The following ATP13A5 variants were observed in gnomAD, a reference collection of about 807,000 sequenced individuals.
ATP13A5 encodes probable cation-transporting ATPase 13A5.
A neutral mutation model predicts 150.2 loss-of-function variants in ATP13A5; 149 were observed. The observed-to-expected ratio is 0.99, with a 90% confidence interval of 0.87 to 1.14. The LOEUF (loss-of-function observed/expected upper bound fraction) is 1.14, where lower values mean the gene tolerates loss of function less well. ATP13A5 is among the 50% of genes most tolerant of loss of function. The pLI, the probability that ATP13A5 is intolerant of heterozygous loss-of-function variation, is 0.00. For synonymous variants in ATP13A5, 497 were observed against 522.2 expected, an observed-to-expected ratio of 0.95 and a Z score of 0.66; for missense variants, 1,383 against 1,449.3, an observed-to-expected ratio of 0.95 and a Z score of 0.74.
At chr3:193,368,013 G>T (rs1341221504) in intron 1 of ATP13A5, among the ~76,000 whole-genome samples, 2 of 142,356 alleles carry the variant, frequency 1.4e-5, no homozygotes, top group Admixed American at 7.0e-5. Flanking sequence ...GAGGGGAGGG[G>T]AAGGGAGGGG....
At chr3:193,323,089 A>G (rs1002099317) in intron 14 of ATP13A5, 6 of 153,118 alleles carry the variant, frequency 3.9e-5, no homozygotes, top group Non-Finnish European at 7.3e-5. Context: ...TTACAACAGA[A>G]GTTAATACCT....
At chr3:193,279,163 C>A (rs1695423738) in intron 28 of ATP13A5, among the ~76,000 whole-genome samples, 1 of 151,892 alleles carries the variant, frequency 6.6e-6, no homozygotes, top group South Asian at 2.1e-4. Context: ...GATAAATGTA[C>A]CCAATAATAT....
intron 3 of ATP13A5, 113 bp from the exon 4 acceptor site, chr3:193,362,750 C>CT (rs1553822627): frequency 6.3e-6 from 4 of 633,112 alleles, no homozygotes; most frequent in African/African-American, 5.1e-5. Flanking sequence ...ACTTGCTTTC[C>CT]TTCTTTCTTT....
At chr3:193,294,948 C>T (rs373811967) in intron 25 of ATP13A5, among the ~76,000 whole-genome samples, 4 of 152,232 alleles carry the variant, frequency 2.6e-5, no homozygotes, top group South Asian at 2.1e-4. Flanking sequence ...AGAGCTGCAG[C>T]GTGCTGCCAC....
rs114747548 is a variant in ATP13A5 at position 193,348,318 on chromosome 3, T to A, written c.741+2749A>T. On this transcript the variant is annotated intron_variant, in intron 7 of 29. Transcript: ENST00000342358. ...CAGCATCTGTTGCTACGTGCCCTTG[T>A]GTTTGTCGTGGCTGGATTTCCTCTA... 4.3e-3 allele frequency among the ~76,000 whole-genome samples: 652 copies of A among 152,308 alleles called. 2 individuals are homozygous for A. Among genetic ancestry groups the A allele is most frequent in the Non-Finnish European group, 5.4e-3 (369 of 68,028 alleles).
intron 24 of ATP13A5, 48 bp downstream of exon 24, chr3:193,301,163 G>T: frequency 7.4e-7 from 1 of 1,351,808 alleles, no homozygotes; most frequent in Non-Finnish European, 1.1e-6. Context: ...TAATAAATTA[G>T]GGACATAAAT....
At position 193,294,892 on chromosome 3, in the gene ATP13A5, A is replaced by G. The variant is rs564710728; in HGVS notation, c.2848+4239T>C. Reference sequence around the variant, plus strand: ...ACAAAATCATCTAGCAACACAGTACAATGTAAAGTGTCTGTTGTTTAACCT... The same window carrying G: ...ACAAAATCATCTAGCAACACAGTACGATGTAAAGTGTCTGTTGTTTAACCT... On this transcript the variant is annotated intron_variant, in intron 25 of 29. Coordinates refer to ENST00000342358, the MANE Select transcript of ATP13A5 (RefSeq NM_198505.4). 2.0e-5 allele frequency among the ~76,000 whole-genome samples: 3 copies of G among 152,248 alleles called. No individual in the cohort carries two copies. In the South Asian group the frequency reaches 6.2e-4, roughly 32 times the overall value.
At chr3:193,304,077 G>A (rs1235098065) in intron 23 of ATP13A5, among the ~76,000 whole-genome samples, 1 of 152,084 alleles carries the variant, frequency 6.6e-6, no homozygotes, top group Non-Finnish European at 1.5e-5. Context: ...TAGTCACCAT[G>A]ACACAAACCA....
At chr3:193,282,720 A>G (rs1379179315) in intron 27 of ATP13A5, among the ~76,000 whole-genome samples, 1 of 152,216 alleles carries the variant, frequency 6.6e-6, no homozygotes, top group Non-Finnish European at 1.5e-5. Context: ...TTTGTAATGG[A>G]GAAAACAACG....
Position 193,314,139 on chromosome 3 carries a change from G to C in ATP13A5, c.2213C>G (p.Pro738Arg), listed in dbSNP as rs1168834962. Residue 738 changes from proline to arginine, a missense_variant, in exon 19 of 30, where the codon CCA becomes CGA. By Grantham distance (103) the Pro-to-Arg change is moderately radical (BLOSUM62 -2). Around this residue, in one of 3 missense-constraint regions of ATP13A5, gnomAD observed 568 missense variants for 621.5 expected, o/e 0.91. Coordinates refer to ENST00000342358, the MANE Select transcript of ATP13A5 (RefSeq NM_198505.4). ...CTCAACAATGATCACTTGGCTGCCT[G>C]GAGGGATCATTTCAGAATTCTTTGC... ...TVAKNSEMIP[P>R]GSQVIIVEAD... The C allele has an allele frequency of 1.2e-6, 2 of 1,613,672 alleles. No individual in the cohort carries two copies.
At chr3:193,308,373 T>C (rs985016492) in intron 21 of ATP13A5, among the ~76,000 whole-genome samples, 4 of 152,112 alleles carry the variant, frequency 2.6e-5, no homozygotes, top group African/African-American at 9.7e-5. Context: ...GCAGGGGGAT[T>C]GCTTGAACCT....
Position 193,331,237 on chromosome 3 carries a change from G to A in ATP13A5, c.1347C>T (p.Ala449=). The A allele has an allele frequency of 6.2e-7, 1 of 1,614,004 alleles. No individual in the cohort carries two copies. Among genetic ancestry groups the A allele is most frequent in the Non-Finnish European group, 8.5e-7 (1 of 1,179,960 alleles). ...TVTVPPVLPA[A]LTIGNVYAQK... ...GAGCATACACGTTGCCTATGGTCAG[G>A]GCAGCTGGCAGCACTGGAGGGACAG... The change falls in exon 12 of 30, where the codon GCC becomes GCT. Residue 449 remains alanine (A), a synonymous_variant. Transcript: ENST00000342358.
At chr3:193,353,786 CTG>C (rs1712662964) in intron 6 of ATP13A5, among the ~76,000 whole-genome samples, 1 of 152,156 alleles carries the variant, frequency 6.6e-6, no homozygotes. Context: ...GCCTCTAAAA[CTG>C]TGGGAAAATA....
At chr3:193,279,105 A>G (rs1007995723) in intron 28 of ATP13A5, among the ~76,000 whole-genome samples, 1 of 152,182 alleles carries the variant, frequency 6.6e-6, no homozygotes, top group Non-Finnish European at 1.5e-5. Flanking sequence ...TTGTATTGGT[A>G]TAACATAGCA....
At chr3:193,363,109 A>C in intron 3 of ATP13A5, 127 bp downstream of exon 3, 4 of 1,187,406 alleles carry the variant, frequency 3.4e-6, no homozygotes, top group Non-Finnish European at 4.7e-6. Context: ...AGCCAGTCTC[A>C]CTTTCTTTGA....
chr3:193,287,081 G>A (rs1357872817), intron 26 of ATP13A5, among the ~76,000 whole-genome samples: 2 of 152,110 alleles, frequency 1.3e-5, no homozygotes, highest in Non-Finnish European at 2.9e-5. Flanking sequence ...TTCTTTGAAG[G>A]CTGAAAGAGG....
intron 9 of ATP13A5, among the ~76,000 whole-genome samples, chr3:193,340,849 C>T (rs2108882310): frequency 6.6e-6 from 1 of 152,282 alleles, no homozygotes. Flanking sequence ...AGAATATCAG[C>T]TCCACAAGGG....
chr3:193,286,996 G>C (rs1717749027), intron 26 of ATP13A5, among the ~76,000 whole-genome samples: 2 of 152,064 alleles, frequency 1.3e-5, no homozygotes, highest in Non-Finnish European at 2.9e-5. Flanking sequence ...TAGTGGTCTG[G>C]GTAGTGGATC....
chr3:193,367,245 C>G (rs971880154), intron 1 of ATP13A5, among the ~76,000 whole-genome samples: 8 of 151,938 alleles, frequency 5.3e-5, no homozygotes, highest in Admixed American at 6.6e-5. Context: ...TAGAGAGAAA[C>G]AGCAAAGTCA....
Sources: allele counts gnomAD v4.1 joint callset (sites outside exome capture counted in the v4.1 genomes callset), GRCh38; gene constraint gnomAD v4.1.1; regional missense constraint gnomAD v4.1.1; transcripts MANE v1.5; gene names NCBI Gene and HGNC (gene_info 2026-07-23, HGNC 2026-07-21).